P2RY8: variants seen among roughly 807,000 people sequenced by gnomAD.
P2RY8 encodes the protein P2Y receptor family member 8, also known as S-geranylgeranyl-glutathione receptor P2RY8.
Under a neutral mutation model 10.0 loss-of-function variants are expected in P2RY8, and 6 were observed. The observed-to-expected ratio is 0.60, with a 90% CI of 0.33 to 1.19. The LOEUF is 1.19. Among genes scored for constraint, P2RY8 ranks in the 50% most tolerant of loss-of-function variants. The probability of loss-of-function intolerance (pLI) is 0.04; values close to 1 mark genes in which losing one functional copy is unlikely to be tolerated. For missense variants in P2RY8, 456 were observed against 542.0 expected, an observed-to-expected ratio of 0.84 and a Z score of 1.58; for synonymous variants, 276 against 252.5, an observed-to-expected ratio of 1.09 and a Z score of -0.88.
At chrX:1,521,938 C>T (rs1410172483) in intron 1 of P2RY8, among the ~76,000 whole-genome samples, 5 of 112,780 alleles carry the variant, frequency 4.4e-5, no homozygotes, top group Non-Finnish European at 7.0e-5. Flanking sequence ...CTTTCTCTCT[C>T]GCTCTCTTTT....
chrX:1,483,629 T>C (rs1488323726), intron 1 of P2RY8, among the ~76,000 whole-genome samples: 1 of 151,664 alleles, frequency 6.6e-6, no homozygotes, highest in Non-Finnish European at 1.5e-5. Flanking sequence ...AACAAAACTT[T>C]GTCTAAAGAG....
Position 1,463,686 on chromosome X carries a change from A to G in P2RY8, c.*1793T>C, listed in dbSNP as rs1411582489. 1.4e-5 allele frequency: 3 copies of G among 222,154 alleles called. No homozygotes were observed. Among genetic ancestry groups the G allele is most frequent in the East Asian group, 1.3e-4 (2 of 15,670 alleles). 13.8% of individuals were successfully genotyped at this position (222,154 alleles called of 1,614,324 possible). Reference sequence around the variant, plus strand: ...GGGCAACTGTTTAGTGCACTCTGCAATTGTATCCAGTTCCCTCCAGAGACT... The same window carrying G: ...GGGCAACTGTTTAGTGCACTCTGCAGTTGTATCCAGTTCCCTCCAGAGACT... On this transcript the variant is annotated 3_prime_UTR_variant, in exon 2 of 2. Transcript: ENST00000381297.
At chrX:1,508,259 T>C (rs762491886) in intron 1 of P2RY8, among the ~76,000 whole-genome samples, 32 of 152,172 alleles carry the variant, frequency 2.1e-4, no homozygotes, top group Middle Eastern at 3.4e-3. Flanking sequence ...AGGCTGAGTG[T>C]TGATCAAAGG....
intron 1 of P2RY8, among the ~76,000 whole-genome samples, chrX:1,507,929 C>G (rs1162185129): frequency 6.6e-6 from 1 of 152,174 alleles, no homozygotes; most frequent in South Asian, 2.1e-4. Flanking sequence ...ACACACCCCA[C>G]GTCTTTGCAG....
Position 1,465,855 on chromosome X carries a change from G to A in P2RY8, c.704C>T (p.Ala235Val). ...CAAGACCACCGCGGCCAGGCCCACC[G>A]CGCGCCTCCGCTGCTCCCGGCCGTG... is the stretch of plus-strand genomic sequence containing the variant. Reference protein sequence around the residue: ...EAHGREQRRRAVGLAAVVLLA... With the variant: ...EAHGREQRRRVVGLAAVVLLA... The change falls in exon 2 of 2, where the codon GCG (alanine) becomes GTG (valine). Residue 235 changes from alanine to valine, a missense_variant. By Grantham distance (64) the Ala-to-Val change is moderately conservative. Transcript: ENST00000381297. The A allele has an allele frequency of 6.2e-7, 1 of 1,612,504 alleles. No individual in the cohort carries two copies. Among genetic ancestry groups the A allele is most frequent in the Non-Finnish European group, 8.5e-7 (1 of 1,179,624 alleles).
At chrX:1,489,655 C>T (rs188236279) in intron 1 of P2RY8, among the ~76,000 whole-genome samples, 87 of 135,074 alleles carry the variant, frequency 6.4e-4, no homozygotes, top group East Asian at 3.1e-3. Context: ...GTGGAGGGAA[C>T]GAATGAATGA....
chrX:1,466,661 G>T (rs1290410944), intron 1 of P2RY8, 79 bp from the exon 2 acceptor site: 6 of 1,372,220 alleles, frequency 4.4e-6, no homozygotes, highest in South Asian at 1.4e-5. Flanking sequence ...CCTGAGCGCC[G>T]CTCCCCGGGG....
chrX:1,484,724 TAAA>T (rs1171758279), intron 1 of P2RY8, among the ~76,000 whole-genome samples: 1 of 16,792 alleles, frequency 6.0e-5, no homozygotes, highest in African/African-American at 1.7e-4. Context: ...CAAAACCCTG[TAAA>T]AAAAAAAAAA....
intron 1 of P2RY8, among the ~76,000 whole-genome samples, chrX:1,484,724 T>TAAAA (rs1171758279): frequency 0.024 from 406 of 16,746 alleles, 25 homozygotes; most frequent in East Asian, 0.045. Flanking sequence ...CAAAACCCTG[T>TAAAA]AAAAAAAAAA....
At chrX:1,473,178 T>G in intron 1 of P2RY8, among the ~76,000 whole-genome samples, 1 of 146,878 alleles carries the variant, frequency 6.8e-6, no homozygotes, top group Non-Finnish European at 1.5e-5. Context: ...GGTAGATGGA[T>G]GGGTGGATGG....
chrX:1,524,953 C>G (rs2092430622), intron 1 of P2RY8, among the ~76,000 whole-genome samples: 1 of 152,056 alleles, frequency 6.6e-6, no homozygotes, highest in African/African-American at 2.4e-5. Flanking sequence ...ATTCATTCAC[C>G]TGTCTACAGT....
rs766006134 is a variant in P2RY8 at position 1,466,411 on chromosome X, G to C, written c.148C>G (p.Arg50Gly). 2.5e-6 allele frequency: 4 copies of C among 1,613,424 alleles called. No homozygotes were observed. Among genetic ancestry groups the C allele is most frequent in the Non-Finnish European group, 3.4e-6 (4 of 1,179,856 alleles). Residue 50 changes from arginine to glycine, a missense_variant, in exon 2 of 2, where the codon CGG (arginine) becomes GGG (glycine). Coordinates refer to ENST00000381297, the MANE Select transcript of P2RY8 (RefSeq NM_178129.5). ...GACGGGGATCTGGGCCCCATGCGCC[G>C]GCACAGCACCCACAGAGAGAAGAGG... ...GNLFSLWVLCRRMGPRSPSVI... is the reference protein window; with the variant it reads ...GNLFSLWVLCGRMGPRSPSVI...
rs1160331942 is a variant in P2RY8 at position 1,465,669 on chromosome X, G to T, written c.890C>A (p.Ser297Tyr). 6.2e-7 allele frequency: 1 copy of T among 1,613,648 alleles called. No homozygotes were observed. Among genetic ancestry groups the T allele is most frequent in the Admixed American group, 1.7e-5 (1 of 60,022 alleles). ...CLDPFVYYFASREFQLRLREY... is the reference protein window; with the variant it reads ...CLDPFVYYFAYREFQLRLREY... ...CCGCAGGCGCAGCTGGAATTCCCGGGACGCAAAGTAATAAACAAACGGGTC... is the reference window on the plus strand; with the variant it reads ...CCGCAGGCGCAGCTGGAATTCCCGGTACGCAAAGTAATAAACAAACGGGTC... Residue 297 changes from serine (S) to tyrosine (Y), a missense_variant, in exon 2 of 2, where the codon TCC (serine) becomes TAC (tyrosine). Transcript: ENST00000381297.
intron 1 of P2RY8, among the ~76,000 whole-genome samples, chrX:1,509,363 C>T (rs771578642): frequency 0.088 from 12,883 of 146,964 alleles, 536 homozygotes; most frequent in Non-Finnish European, 0.12. Context: ...ATCCATCCAT[C>T]CATCCATCTA....
chrX:1,499,148 T>G (rs2092149581), intron 1 of P2RY8, among the ~76,000 whole-genome samples: 1 of 142,068 alleles, frequency 7.0e-6, no homozygotes. Flanking sequence ...TTTTTTTTCT[T>G]TTTCTTTTTC....
intron 1 of P2RY8, among the ~76,000 whole-genome samples, chrX:1,509,103 C>G (rs866235941): frequency 1.7e-4 from 17 of 99,762 alleles, no homozygotes; most frequent in Non-Finnish European, 2.8e-4. Context: ...ATCTATGTAT[C>G]TATCTATCTA....
intron 1 of P2RY8, among the ~76,000 whole-genome samples, chrX:1,534,091 T>A: frequency 7.6e-6 from 1 of 132,230 alleles, no homozygotes; most frequent in East Asian, 2.1e-4. Flanking sequence ...TATATTTACA[T>A]ATATATTTAT....
At position 1,465,690 on chromosome X, in the gene P2RY8, G is replaced by C. The variant is rs1603452612; in HGVS notation, c.869C>G (p.Pro290Arg). Residue 290 changes from proline (P) to arginine (R), a missense_variant, in exon 2 of 2, where the codon CCG becomes CGG. Transcript: ENST00000381297. ...CLSCLNNCLD[P>R]FVYYFASREF... ...CCGGGACGCAAAGTAATAAACAAAC[G>C]GGTCCAGACAGTTGTTGAGGCAGCT... is the stretch of plus-strand genomic sequence containing the variant. The C allele has an allele frequency of 6.2e-7, 1 of 1,613,720 alleles. No homozygotes were observed. Among genetic ancestry groups the C allele is most frequent in the Non-Finnish European group, 8.5e-7 (1 of 1,179,856 alleles).
rs2091605288 is a variant in P2RY8 at position 1,462,958 on chromosome X, G to A, written c.*2521C>T. The A allele has an allele frequency of 9.2e-6, 2 of 218,568 alleles. No individual in the cohort carries two copies. Among genetic ancestry groups the A allele is most frequent in the African/African-American group, 2.3e-5 (1 of 43,016 alleles). The allele number at this position is 218,568 out of a possible 1,614,324, so 13.5% of individuals were successfully genotyped here. A position where few individuals can be genotyped will look rare whatever the true frequency, so the allele number is the denominator to read the frequency against. ...GGCTGCTCTCCATAGCCAAGTGGCT[G>A]CAAAAATCATCATACTGACAAAAAA... On this transcript the variant is annotated 3_prime_UTR_variant, in exon 2 of 2. Transcript: ENST00000381297.
Sources: allele counts gnomAD v4.1 joint callset (sites outside exome capture counted in the v4.1 genomes callset), GRCh38; gene constraint gnomAD v4.1.1; transcripts MANE v1.5; gene names NCBI Gene and HGNC (gene_info 2026-07-23, HGNC 2026-07-21).